The following SYTL2 variants were observed in gnomAD, a reference collection of about 807,000 sequenced individuals.
SYTL2 encodes the protein synaptotagmin-like protein 2.
In SYTL2, 165 loss-of-function variants were observed where a neutral mutation model predicts 198.7. That is an observed-to-expected ratio of 0.83 (90% CI 0.73 to 0.94). SYTL2 has a LOEUF of 0.94. Among genes scored for constraint, SYTL2 ranks in the 40% least tolerant of loss-of-function variants. SYTL2 has a pLI of 0.00. For missense variants in SYTL2, 2,835 were observed against 2,582.8 expected (o/e 1.10, Z -2.12); for synonymous variants, 966 against 917.7 (o/e 1.05, Z -0.95).
chr11:85,814,462 T>G (rs889431919), upstream of SYTL2, among the ~76,000 whole-genome samples: 2 of 152,246 alleles, frequency 1.3e-5, no homozygotes, highest in Non-Finnish European at 2.9e-5. Flanking sequence ...CTTAGAAAAC[T>G]GCAGGTAGGG....
At chr11:85,806,739 G>A (rs2092963457) in intron 1 of SYTL2, among the ~76,000 whole-genome samples, 1 of 152,200 alleles carries the variant, frequency 6.6e-6, no homozygotes, top group Non-Finnish European at 1.5e-5. Context: ...TCTGGATGTG[G>A]AAATTCTCTA....
At position 85,714,317 on chromosome 11, in the gene SYTL2, G is replaced by A. The variant is rs2086805238; in HGVS notation, c.5625+96C>T. On this transcript the variant is annotated intron_variant, in intron 12 of 19. Transcript: ENST00000359152. ...AAGGGCCAGTCCTTCTGACCTCTTT[G>A]ATCTCTGCCACAGTGGAATACAAAC... 1.1e-5 allele frequency: 11 copies of A among 990,418 alleles called. No individual in the cohort carries two copies. The South Asian group carries it at 1.4e-4, about 13-fold the overall frequency. 61.4% of individuals were successfully genotyped at this position (990,418 alleles called of 1,614,324 possible). A position where few individuals can be genotyped will look rare whatever the true frequency, so the allele number is the denominator to read the frequency against.
chr11:85,827,885 A>C, the SYTL2 span, among the ~76,000 whole-genome samples: 1 of 152,230 alleles, frequency 6.6e-6, no homozygotes, highest in Non-Finnish European at 1.5e-5. Context: ...AGCAAATGCA[A>C]AGTGAAACAC....
chr11:85,725,309 G>A lies in SYTL2; in HGVS notation c.4049C>T (p.Thr1350Met), dbSNP rs641393. Residue 1350 changes from threonine to methionine, a missense_variant, in exon 8 of 20, where the codon ACG (threonine) becomes ATG (methionine). Physicochemically the swap from Thr to Met is moderately conservative, Grantham distance 81 (BLOSUM62 -1). This residue lies in a region of SYTL2 where 2,645 missense variants were observed against 2,381.7 expected (regional missense o/e 1.11). Transcript: ENST00000359152. ...VPQARVHPSQ[T>M]EISETVEKVI... Reference sequence around the variant, plus strand: ...TTTCTCTACAGTCTCCGAAATTTCCGTTTGAGAAGGGTGTACCCTAGCCTG... The same window carrying A: ...TTTCTCTACAGTCTCCGAAATTTCCATTTGAGAAGGGTGTACCCTAGCCTG... 993,983 of 1,613,606 alleles carry A rather than the reference G, an allele frequency of 0.62. 309,903 individuals are homozygous for A. Among genetic ancestry groups the A allele is most frequent in the Non-Finnish European group, 0.64 (754,582 of 1,179,808 alleles).
At chr11:85,716,841 C>T (rs1043428825) in intron 11 of SYTL2, among the ~76,000 whole-genome samples, 20 of 152,044 alleles carry the variant, frequency 1.3e-4, no homozygotes, top group African/African-American at 3.1e-4. Context: ...CAGAAAAGAT[C>T]GAACAAACAT....
chr11:85,846,965 C>G, the SYTL2 span, among the ~76,000 whole-genome samples: 5 of 152,180 alleles, frequency 3.3e-5, no homozygotes, highest in African/African-American at 1.2e-4. Flanking sequence ...AACTCCTGAC[C>G]TCAGGTGATC....
At chr11:85,696,516 GTGGTT>G in intron 18 of SYTL2, 128 bp from the exon 19 acceptor site, 1 of 795,296 alleles carries the variant, frequency 1.3e-6, no homozygotes, top group Admixed American at 2.2e-5. Context: ...AGTGGTGGTG[GTGGTT>G]TGGCAGACAG....
intron 7 of SYTL2, chr11:85,733,600 T>TTTG (rs1403830666): frequency 0.022 from 2,985 of 138,402 alleles, 112 homozygotes; most frequent in Admixed American, 0.04. Flanking sequence ...TTTTGTTTTT[T>TTTG]TTTTTTTTTT....
rs546230217 is a variant in SYTL2, at chr11:85,788,020, T to C, written c.-390+22934A>G. ...GATGTGTCACCGGGTCATGAGTAGT[T>C]ATCTGAGAAATACTTTACACATGGG... On this transcript the variant is annotated intron_variant, in intron 1 of 19. Coordinates refer to ENST00000359152, the MANE Select transcript of SYTL2 (RefSeq NM_206927.4). 2.6e-5 allele frequency among the ~76,000 whole-genome samples: 4 copies of C among 152,274 alleles called. No individual in the cohort carries two copies. The East Asian group carries it at 7.7e-4, about 29-fold the overall frequency.
At chr11:85,722,175 T>TC (rs2088418886) in intron 8 of SYTL2, among the ~76,000 whole-genome samples, 1 of 122,092 alleles carries the variant, frequency 8.2e-6, no homozygotes, top group Non-Finnish European at 1.8e-5. Context: ...AGGTGATTTT[T>TC]TTTTTTTTTT....
chr11:85,817,897 C>CTT, the SYTL2 span, among the ~76,000 whole-genome samples: 952 of 119,692 alleles, frequency 8.0e-3, 25 homozygotes, highest in Middle Eastern at 0.026. Flanking sequence ...ACCTTTGTGT[C>CTT]TTTTCTTTTT....
chr11:85,847,371 G>A, the SYTL2 span, among the ~76,000 whole-genome samples: 2 of 151,680 alleles, frequency 1.3e-5, no homozygotes, highest in Admixed American at 6.6e-5. Context: ...TGTATCAATA[G>A]TTATTCCCCC....
chr11:85,733,723 C>A (rs2090060770), intron 7 of SYTL2: 1 of 431,946 alleles, frequency 2.3e-6, no homozygotes. Flanking sequence ...CCTCAGCCTC[C>A]CGAGTAGCTG....
chr11:85,751,940 C>A (rs2091537141), intron 2 of SYTL2, among the ~76,000 whole-genome samples: 1 of 152,182 alleles, frequency 6.6e-6, no homozygotes, highest in Non-Finnish European at 1.5e-5. Context: ...TATCTACAGC[C>A]CTAACTGTCA....
intron 15 of SYTL2, among the ~76,000 whole-genome samples, chr11:85,706,299 T>G (rs1011751913): frequency 6.6e-6 from 1 of 152,222 alleles, no homozygotes; most frequent in African/African-American, 2.4e-5. Flanking sequence ...TTAACCCGAC[T>G]TGGCAGATCT....
chr11:85,734,669 C>G lies in SYTL2; in HGVS notation c.660G>C (p.Gln220His), dbSNP rs562648188. ...TSIQKLEKSK[Q>H]TLPGLSNGSQ... is the part of the protein sequence containing the mutation. ...ACCCATTTGAAAGGCCTGGCAAAGT[C>G]TGCTTTGATTTCTCTAACTTTTGGA... The change falls in exon 7 of 20, where the codon CAG (glutamine) becomes CAC (histidine). Residue 220 changes from glutamine to histidine, a missense_variant. Coordinates refer to ENST00000359152, the MANE Select transcript of SYTL2 (RefSeq NM_206927.4). The G allele has an allele frequency of 9.3e-6, 15 of 1,614,056 alleles. No homozygotes were observed. In the East Asian group the frequency reaches 3.1e-4, roughly 34 times the overall value.
chr11:85,769,013 T>C (rs1414850080), intron 1 of SYTL2, among the ~76,000 whole-genome samples: 1 of 149,618 alleles, frequency 6.7e-6, no homozygotes, highest in African/African-American at 2.5e-5. Flanking sequence ...ATTGAGTAAA[T>C]GAAGAAGAGG....
chr11:85,789,330 G>GTT, intron 1 of SYTL2, among the ~76,000 whole-genome samples: 1 of 29,268 alleles, frequency 3.4e-5, no homozygotes, highest in Non-Finnish European at 6.1e-5. Flanking sequence ...GTGTATGTGT[G>GTT]TGTGTGTGTG....
chr11:85,820,877 A>G, the SYTL2 span, among the ~76,000 whole-genome samples: 1 of 152,242 alleles, frequency 6.6e-6, no homozygotes, highest in Non-Finnish European at 1.5e-5. Context: ...AAGTAAGTAT[A>G]CTGTAGGAGA....
Sources: allele counts gnomAD v4.1 joint callset (sites outside exome capture counted in the v4.1 genomes callset), GRCh38; gene constraint gnomAD v4.1.1; regional missense constraint gnomAD v4.1.1; transcripts MANE v1.5; gene names NCBI Gene and HGNC (gene_info 2026-07-23, HGNC 2026-07-21).